TMEM175: variants seen among roughly 807,000 people sequenced by gnomAD.
TMEM175 encodes the protein transmembrane protein 175.
A neutral mutation model predicts 36.5 loss-of-function variants in TMEM175; 36 were observed. That is an observed-to-expected ratio of 0.99 (90% CI 0.76 to 1.30). TMEM175 has a LOEUF of 1.30. Ranked by LOEUF, TMEM175 falls within the 50% of genes most tolerant of loss-of-function variation. TMEM175 has a pLI of 0.00. For synonymous variants in TMEM175, 339 were observed against 313.4 expected (o/e 1.08, Z -0.86); for missense variants, 705 against 692.8 (o/e 1.02, Z -0.20).
At position 938,156 on chromosome 4, in the gene TMEM175, C is replaced by T. The variant is rs529669312; in HGVS notation, c.-32+5616C>T. Reference sequence around the variant, plus strand: ...AGCCAAGGCTGGCTGTCTGATCTCACCACTTCTATTCAGCATTGTACTAGA... The same window carrying T: ...AGCCAAGGCTGGCTGTCTGATCTCATCACTTCTATTCAGCATTGTACTAGA... On this transcript the variant is annotated intron_variant, in intron 1 of 10. Transcript: ENST00000264771. Among the ~76,000 whole-genome samples, 9 of 152,332 alleles carry T rather than the reference C, an allele frequency of 5.9e-5. No individual in the cohort carries two copies. The East Asian group carries it at 1.7e-3, about 29-fold the overall frequency.
intron 1 of TMEM175, among the ~76,000 whole-genome samples, chr4:935,600 G>T (rs748124787): frequency 6.6e-6 from 1 of 152,140 alleles, no homozygotes; most frequent in Non-Finnish European, 1.5e-5. Context: ...CTCAATAAAC[G>T]ATAGGATAGA....
intron 7 of TMEM175, among the ~76,000 whole-genome samples, chr4:952,697 CTGTG>C (rs147503527): frequency 8.1e-5 from 8 of 98,552 alleles, no homozygotes; most frequent in South Asian, 3.3e-4. Context: ...GTCCTGTGCT[CTGTG>C]TGTGTGTGTG....
In TMEM175 at chr4:932,856, G is replaced by A. The variant is rs1026960815; in HGVS notation, c.-32+316G>A. 6.6e-6 allele frequency among the ~76,000 whole-genome samples: 1 copy of A among 152,204 alleles called. No individual in the cohort carries two copies. The highest frequency in any genetic ancestry group is 6.5e-5 in the Admixed American group (1 of 15,274). ...CAGCAGCCAGGCAGGCAGTTTGCAG[G>A]GGAAACGCTGCTGCATTGCTCTGTC... On this transcript the variant is annotated intron_variant, in intron 1 of 10. Transcript: ENST00000264771. This position sits in a 1 kb window ranked among gnomAD's most constrained non-coding sequence, Gnocchi z 4.0.
intron 1 of TMEM175, among the ~76,000 whole-genome samples, chr4:935,545 G>T (rs1726693531): frequency 6.6e-6 from 1 of 152,198 alleles, no homozygotes; most frequent in Admixed American, 6.5e-5. Flanking sequence ...ACTAATAGCT[G>T]CAAGGAGAGA....
rs147772555 is a variant in TMEM175 at position 955,781 on chromosome 4, G to C, written c.733G>C (p.Val245Leu). The C allele has an allele frequency of 5.9e-5, 95 of 1,613,640 alleles. No homozygotes were observed. The highest frequency in any genetic ancestry group is 7.5e-5 in the Non-Finnish European group (89 of 1,179,946). ...CCACAGGGAGCCCTCGGCTCACCCAGTGGAAGTCTTCTCGTTTGACCTCCA... is the reference window on the plus strand; with the variant it reads ...CCACAGGGAGCCCTCGGCTCACCCACTGGAAGTCTTCTCGTTTGACCTCCA... ...LGHREPSAHP[V>L]EVFSFDLHEP... Residue 245 changes from valine to leucine, a missense_variant, in exon 10 of 11, where the codon GTG becomes CTG. Val to Leu is a conservative substitution (Grantham distance 32). Transcript: ENST00000264771.
In TMEM175 at chr4:947,743, T is replaced by C. The variant is rs1383257107; in HGVS notation, c.4T>C (p.Ser2Pro). 6.2e-7 allele frequency: 1 copy of C among 1,605,240 alleles called. No homozygotes were observed. Among genetic ancestry groups the C allele is most frequent in the Non-Finnish European group, 8.5e-7 (1 of 1,175,150 alleles). The change falls in exon 2 of 11, where the codon TCC (serine) becomes CCC (proline). Residue 2 changes from serine (S) to proline (P), a missense_variant. Physicochemically the swap from Ser to Pro is moderately conservative, Grantham distance 74. Coordinates refer to ENST00000264771, the MANE Select transcript of TMEM175 (RefSeq NM_032326.4). ...ACCGCCAGGCAGCGGCCCCGCCATG[T>C]CCCAGCCCCGGACCCCAGAGCAGGC... Reference protein sequence around the residue: MSQPRTPEQALD... With the variant: MPQPRTPEQALD...
intron 4 of TMEM175, among the ~76,000 whole-genome samples, chr4:950,726 GGTGGAGGTGTGGATGGT>G (rs1728766088): frequency 2.7e-5 from 4 of 149,130 alleles, no homozygotes; most frequent in African/African-American, 1.0e-4. Context: ...CGGTGCAGTA[GGTGGAGGTGTGGATGGT>G]GCAATAGGTG....
intron 10 of TMEM175, chr4:956,238 C>T: frequency 8.7e-7 from 1 of 1,155,738 alleles, no homozygotes; most frequent in South Asian, 1.5e-5. Context: ...CTCACCCCTG[C>T]CCCAACACCA....
chr4:942,618 T>A (rs1727654601), intron 1 of TMEM175, among the ~76,000 whole-genome samples: 1 of 151,934 alleles, frequency 6.6e-6, no homozygotes, highest in African/African-American at 2.4e-5. Flanking sequence ...TTTTGGCTGT[T>A]AAGGTTCCTT....
At chr4:952,181 A>C (rs1041425898) in intron 6 of TMEM175, among the ~76,000 whole-genome samples, 186 bp from the exon 7 acceptor site, 3 of 152,154 alleles carry the variant, frequency 2.0e-5, no homozygotes, top group Non-Finnish European at 4.4e-5. Flanking sequence ...CATCTGGTGG[A>C]GTTGGTTGGG....
At chr4:939,853 A>G (rs1174970876) in intron 1 of TMEM175, among the ~76,000 whole-genome samples, 1 of 152,274 alleles carries the variant, frequency 6.6e-6, no homozygotes, top group Non-Finnish European at 1.5e-5. Flanking sequence ...TGAGATTTTT[A>G]GCCATGACAC....
chr4:942,636 C>CTT (rs879382397), intron 1 of TMEM175, among the ~76,000 whole-genome samples: 6 of 137,700 alleles, frequency 4.4e-5, no homozygotes, highest in Non-Finnish European at 3.2e-5. Context: ...CTTGAATTTT[C>CTT]TTTTTTTTTT....
At position 958,312 on chromosome 4, in the gene TMEM175, G is replaced by C; in HGVS notation, c.1331G>C (p.Ser444Thr). 6.2e-7 allele frequency: 1 copy of C among 1,605,738 alleles called. No homozygotes were observed. The highest frequency in any genetic ancestry group is 8.5e-7 in the Non-Finnish European group (1 of 1,179,832). ...FASTCLLSRF[S>T]VGIFHLMQIA... is the part of the protein sequence containing the mutation. ...TCCACCTGCCTGCTGAGCAGGTTCA[G>C]TGTGGGCATCTTCCACCTCATGCAG... Residue 444 changes from serine to threonine, a missense_variant, in exon 11 of 11, where the codon AGT becomes ACT. Ser to Thr is a moderately conservative substitution (Grantham distance 58). Coordinates refer to ENST00000264771, the MANE Select transcript of TMEM175 (RefSeq NM_032326.4).
At chr4:952,483 TGTGTGTG>T (rs770173033) in intron 7 of TMEM175, 33 bp downstream of exon 7, 10 of 860,902 alleles carry the variant, frequency 1.2e-5, no homozygotes, top group Admixed American at 1.1e-4. Flanking sequence ...ACTGTGTGTG[TGTGTGTG>T]TGTGTGTGTG....
chr4:941,862 C>A (rs1560476134), intron 1 of TMEM175, among the ~76,000 whole-genome samples: 1 of 151,976 alleles, frequency 6.6e-6, no homozygotes, highest in South Asian at 2.1e-4. Context: ...TAGAGCCCAG[C>A]CTGGGCCACA....
Position 953,280 on chromosome 4 carries a change from G to A in TMEM175, c.553G>A (p.Val185Ile), listed in dbSNP as rs1234213083. 29 of 1,613,964 alleles carry A rather than the reference G, an allele frequency of 1.8e-5. No homozygotes were observed. The highest frequency in any genetic ancestry group is 1.6e-4 in the Middle Eastern group (1 of 6,082). The stretch of plus-strand genomic sequence containing the variant: ...CCACAGGGCTCTGTACCGACGACAC[G>A]TCCTGGGCATCGTCCTCCAAGGCCC... The part of the protein sequence containing the change: ...SAHRALYRRH[V>I]LGIVLQGPAL... The change falls in exon 8 of 11, where the codon GTC becomes ATC. Residue 185 changes from valine to isoleucine, a missense_variant. By Grantham distance (29) the Val-to-Ile change is conservative (BLOSUM62 3). Coordinates refer to ENST00000264771, the MANE Select transcript of TMEM175 (RefSeq NM_032326.4).
At chr4:939,828 G>T (rs1398315177) in intron 1 of TMEM175, among the ~76,000 whole-genome samples, 1 of 152,226 alleles carries the variant, frequency 6.6e-6, no homozygotes, top group Non-Finnish European at 1.5e-5. Flanking sequence ...GGAAGAAAAT[G>T]TGTGAAATGT....
In TMEM175 at chr4:942,368, A is replaced by C. The variant is rs115063758; in HGVS notation, c.-31-5341A>C. 8.2e-3 allele frequency among the ~76,000 whole-genome samples: 1,248 copies of C among 152,102 alleles called. 15 individuals carry two copies. Among genetic ancestry groups the C allele is most frequent in the African/African-American group, 0.028 (1,179 of 41,488 alleles). On this transcript the variant is annotated intron_variant, in intron 1 of 10. Coordinates refer to ENST00000264771, the MANE Select transcript of TMEM175 (RefSeq NM_032326.4). ...GCATGAGCCACCATGCCCGGCCCGA[A>C]TTCATTCTTTTGCATGTGGATATTC...
At chr4:942,814 AT>A (rs1332488092) in intron 1 of TMEM175, among the ~76,000 whole-genome samples, 1 of 151,578 alleles carries the variant, frequency 6.6e-6, no homozygotes, top group Non-Finnish European at 1.5e-5. Context: ...TAATTTTTGT[AT>A]TTTTAGTAGA....
Sources: gnomAD v4.1 joint callset for allele counts (sites outside exome capture counted in the v4.1 genomes callset) on GRCh38, gnomAD v4.1.1 for gene constraint, Gnocchi (gnomAD v3.1) non-coding constraint, MANE v1.5 for transcripts, NCBI Gene and HGNC (gene_info 2026-07-23, HGNC 2026-07-21) for gene names.